Variants in CCDC50 observed in about 807,000 individuals in gnomAD.
The protein encoded by CCDC50 is coiled-coil domain containing 50.
CCDC50 carries 54 observed loss-of-function variants against 70.2 expected under a neutral mutation model. That is an observed-to-expected ratio of 0.77 (90% CI 0.62 to 0.96). CCDC50 has a LOEUF of 0.96. CCDC50 is among the 50% of genes least tolerant of loss of function. The pLI is 0.00. For synonymous variants in CCDC50, 216 were observed against 198.8 expected (o/e 1.09, Z -0.73); for missense variants, 558 against 578.7 (o/e 0.96, Z 0.37).
intron 5 of CCDC50, chr3:191,370,384 G>A (rs559910186): frequency 4.7e-5 from 13 of 274,666 alleles, no homozygotes; most frequent in Non-Finnish European, 8.9e-5. Flanking sequence ...CCCACAACAG[G>A]CCCCGGTGTG....
At position 191,375,701 on chromosome 3, in the gene CCDC50, A is replaced by T. The variant is rs1713090440; in HGVS notation, c.976+112A>T. The T allele has an allele frequency of 2.7e-6, 3 of 1,126,774 alleles. No individual in the cohort carries two copies. In the South Asian group the frequency reaches 4.1e-5, roughly 16 times the overall value. The allele number at this position is 1,126,774 out of a possible 1,614,324, so 69.8% of individuals were successfully genotyped here. A position where few individuals can be genotyped will look rare whatever the true frequency, so the allele number is the denominator to read the frequency against. On this transcript the variant is annotated intron_variant, in intron 6 of 11. Transcript: ENST00000392455. The stretch of plus-strand genomic sequence containing the variant: ...TCTTTCTCTCTAGTTCATGCTCATG[A>T]CTTTGAAATAAATCCTAGAGCAACA...
chr3:191,342,917 A>T (rs1711782267), intron 1 of CCDC50, among the ~76,000 whole-genome samples: 1 of 152,192 alleles, frequency 6.6e-6, no homozygotes, highest in Admixed American at 6.5e-5. Context: ...AGAATGTCTG[A>T]CTACCTCCAT....
chr3:191,342,836 A>G (rs541271405), intron 1 of CCDC50, among the ~76,000 whole-genome samples: 1 of 152,226 alleles, frequency 6.6e-6, no homozygotes, highest in Non-Finnish European at 1.5e-5. Flanking sequence ...AAAATTGTCT[A>G]CTACTGCTTA....
chr3:191,361,190 T>C (rs778671538), intron 4 of CCDC50, 31 bp downstream of exon 4: 1 of 1,501,616 alleles, frequency 6.7e-7, no homozygotes, highest in Non-Finnish European at 9.3e-7. Context: ...CTCTCCCTCA[T>C]GGAGAAAGGG....
intron 1 of CCDC50, among the ~76,000 whole-genome samples, chr3:191,336,464 T>C (rs1018770067): frequency 2.0e-5 from 3 of 152,198 alleles, no homozygotes; most frequent in East Asian, 3.8e-4. Context: ...GCTATTCTTA[T>C]ATTGTTTGTT....
Position 191,349,285 on chromosome 3 carries a change from ACT to A in CCDC50, c.50-7800_50-7799del, listed in dbSNP as rs766176855. Among the ~76,000 whole-genome samples the A allele has an allele frequency of 2.1e-5, 3 of 142,272 alleles. 1 individual carries two copies. Among genetic ancestry groups the A allele is most frequent in the African/African-American group, 5.0e-5 (2 of 39,882 alleles). The allele number at this position is 142,272 out of a possible 152,430, so 93.3% of individuals were successfully genotyped here. A position where few individuals can be genotyped will look rare whatever the true frequency, so the allele number is the denominator to read the frequency against. On this transcript the variant is annotated intron_variant, in intron 1 of 11. Coordinates refer to ENST00000392455, the MANE Select transcript of CCDC50 (RefSeq NM_178335.3). ...TTAGAACTTTTAATAAAGAGAAGAA[ACT>A]CTAACAGATTAGGGAGACATTTCTT... is the stretch of plus-strand genomic sequence containing the variant.
intron 1 of CCDC50, among the ~76,000 whole-genome samples, chr3:191,340,658 G>C (rs1711689118): frequency 6.6e-6 from 1 of 152,102 alleles, no homozygotes; most frequent in South Asian, 2.1e-4. Flanking sequence ...AAAAAGTTTG[G>C]AGTGGCGGAG....
In CCDC50 at chr3:191,382,576, C is replaced by T. The variant is rs441509; in HGVS notation, c.1243-170C>T. Among the ~76,000 whole-genome samples the T allele has an allele frequency of 0.58, 87,820 of 151,936 alleles. 27,060 individuals are homozygous for T. The highest frequency in any genetic ancestry group is 0.81 in the African/African-American group (33,430 of 41,460). ...ATAAATTTTCTACCTCTGGAGTGGC[C>T]ATATATAAAAATATTTTATGTTCCT... On this transcript the variant is annotated intron_variant, in intron 9 of 11. Coordinates refer to ENST00000392455, the MANE Select transcript of CCDC50 (RefSeq NM_178335.3).
In CCDC50 at chr3:191,393,532, A is replaced by G. The variant is rs1325643611; in HGVS notation, c.*1772A>G. On this transcript the variant is annotated 3_prime_UTR_variant, in exon 12 of 12. Coordinates refer to ENST00000392455, the MANE Select transcript of CCDC50 (RefSeq NM_178335.3). ...TTTGTAGTTTCAATGAAGTTTGTAT[A>G]TTATAGGAATTTAAGTAAAATCATC... 2 of 152,210 alleles carry G rather than the reference A, an allele frequency of 1.3e-5. No homozygotes were observed. The highest frequency in any genetic ancestry group is 2.9e-5 in the Non-Finnish European group (2 of 68,038). 9.4% of individuals were successfully genotyped at this position (152,210 alleles called of 1,614,324 possible).
chr3:191,357,277 G>A, intron 2 of CCDC50, 127 bp downstream of exon 2: 1 of 771,106 alleles, frequency 1.3e-6, no homozygotes, highest in East Asian at 2.7e-5. Context: ...ACATCCTGAA[G>A]GATTTCTTTA....
At chr3:191,338,790 G>A (rs1032876033) in intron 1 of CCDC50, among the ~76,000 whole-genome samples, 4 of 152,154 alleles carry the variant, frequency 2.6e-5, no homozygotes, top group Non-Finnish European at 4.4e-5. Flanking sequence ...TTGGTGTTGT[G>A]ATTGACAACA....
intron 5 of CCDC50, among the ~76,000 whole-genome samples, chr3:191,370,553 A>C (rs1189706330): frequency 6.7e-6 from 1 of 148,712 alleles, no homozygotes; most frequent in African/African-American, 2.5e-5. Context: ...CAATGGTGCT[A>C]TCTGGGCTCA....
intron 1 of CCDC50, among the ~76,000 whole-genome samples, chr3:191,333,652 T>A (rs1406069733): frequency 6.6e-6 from 1 of 152,184 alleles, no homozygotes; most frequent in Non-Finnish European, 1.5e-5. Flanking sequence ...TTTTATGTAA[T>A]CAGCAACTAT....
intron 1 of CCDC50, among the ~76,000 whole-genome samples, chr3:191,340,642 C>T (rs1379295783): frequency 6.6e-6 from 1 of 152,138 alleles, no homozygotes; most frequent in East Asian, 1.9e-4. Flanking sequence ...CTTGGACATT[C>T]AGCTGAAAAA....
chr3:191,340,204 G>A (rs1161214755), intron 1 of CCDC50, among the ~76,000 whole-genome samples: 2 of 152,208 alleles, frequency 1.3e-5, no homozygotes, highest in Non-Finnish European at 2.9e-5. Flanking sequence ...ACTTGTCAAA[G>A]TTCATTCACT....
chr3:191,345,802 A>G (rs958918726), intron 1 of CCDC50, among the ~76,000 whole-genome samples: 20 of 152,206 alleles, frequency 1.3e-4, no homozygotes, highest in South Asian at 2.1e-4. Flanking sequence ...TTGGGATTCA[A>G]TCAGTTTTAC....
chr3:191,339,394 T>C (rs192699318), intron 1 of CCDC50, among the ~76,000 whole-genome samples: 1 of 152,284 alleles, frequency 6.6e-6, no homozygotes. Context: ...TTTGACTCTA[T>C]ATAAAAAAAG....
In CCDC50 at chr3:191,391,933, A is replaced by C; in HGVS notation, c.*173A>C. 1.5e-6 allele frequency: 1 copy of C among 663,698 alleles called. No individual in the cohort carries two copies. The highest frequency in any genetic ancestry group is 1.8e-5 in the African/African-American group (1 of 54,682). 41.1% of individuals were successfully genotyped at this position (663,698 alleles called of 1,614,324 possible). A position where few individuals can be genotyped will look rare whatever the true frequency, so the allele number is the denominator to read the frequency against. ...TTCATTTCAAATGTTTTGGTTATTC[A>C]TGATCACTTGGGCAGTATAAGAAAA... On this transcript the variant is annotated 3_prime_UTR_variant, in exon 12 of 12. Coordinates refer to ENST00000392455, the MANE Select transcript of CCDC50 (RefSeq NM_178335.3).
At chr3:191,330,185 A>C (rs539588479) in intron 1 of CCDC50, among the ~76,000 whole-genome samples, 5 of 152,144 alleles carry the variant, frequency 3.3e-5, no homozygotes, top group African/African-American at 1.2e-4. Context: ...TACTTTTCCT[A>C]GGCCGGCGTC....
Sources: allele counts gnomAD v4.1 joint callset (sites outside exome capture counted in the v4.1 genomes callset), GRCh38; gene constraint gnomAD v4.1.1; transcripts MANE v1.5; gene names NCBI Gene and HGNC (gene_info 2026-07-23, HGNC 2026-07-21).